N4BP2: variants seen among roughly 807,000 people sequenced by gnomAD.
The protein encoded by N4BP2 is NEDD4 binding protein 2, also known as NEDD4-binding protein 2.
Under a neutral mutation model 152.8 loss-of-function variants are expected in N4BP2, and 91 were observed. The observed-to-expected ratio is 0.60, with a 90% CI of 0.50 to 0.71. The LOEUF (loss-of-function observed/expected upper bound fraction) is 0.71, where lower values mean the gene tolerates loss of function less well. N4BP2 is among the 30% of genes least tolerant of loss of function. The probability of loss-of-function intolerance (pLI) is 0.00; values close to 1 mark genes in which losing one functional copy is unlikely to be tolerated. For missense variants in N4BP2, 1,923 were observed against 2,059.1 expected (o/e 0.93, Z 1.28); for synonymous variants, 646 against 705.3 (o/e 0.92, Z 1.33).
intron 1 of N4BP2, among the ~76,000 whole-genome samples, chr4:40,065,542 A>T (rs1733976089): frequency 6.6e-6 from 1 of 152,184 alleles, no homozygotes; most frequent in Non-Finnish European, 1.5e-5. Flanking sequence ...AGACAGAAAA[A>T]AACCAGTAAA....
At position 40,070,831 on chromosome 4, in the gene N4BP2, C is replaced by A. The variant is rs547740437; in HGVS notation, c.-211-2624C>A. On this transcript the variant is annotated intron_variant, in intron 1 of 17. Coordinates refer to ENST00000261435, the MANE Select transcript of N4BP2 (RefSeq NM_018177.6). ...TTGCTGTGTGGTGTTTTTTTTTCTT[C>A]TTTTTTTTTTTGAGAGGAAGTCTTG... Among the ~76,000 whole-genome samples the A allele has an allele frequency of 2.8e-5, 4 of 143,892 alleles. No individual in the cohort carries two copies. The East Asian group carries it at 8.1e-4, about 29-fold the overall frequency. The allele number at this position is 143,892 out of a possible 152,430, so 94.4% of individuals were successfully genotyped here.
chr4:40,105,325 A>ATT (rs34758221), intron 4 of N4BP2, among the ~76,000 whole-genome samples: 7 of 136,900 alleles, frequency 5.1e-5, no homozygotes, highest in African/African-American at 5.4e-5. Flanking sequence ...TGTAGTTACA[A>ATT]TTTTTTTTTT....
chr4:40,088,591 C>T (rs1412279827), intron 2 of N4BP2, among the ~76,000 whole-genome samples: 1 of 151,802 alleles, frequency 6.6e-6, no homozygotes, highest in Non-Finnish European at 1.5e-5. Flanking sequence ...GCCTCCGCCT[C>T]CCGGGTTCAA....
chr4:40,070,656 G>A (rs894866222), intron 1 of N4BP2, among the ~76,000 whole-genome samples: 1 of 151,876 alleles, frequency 6.6e-6, no homozygotes, highest in Non-Finnish European at 1.5e-5. Flanking sequence ...TTGCCATGTT[G>A]CCCAGGCTGG....
the N4BP2 span, chr4:40,166,681 C>T: frequency 1.3e-5 from 2 of 151,468 alleles, no homozygotes; most frequent in Non-Finnish European, 2.9e-5. Flanking sequence ...AACAGTGAAA[C>T]TCCATCTAAA....
chr4:40,109,629 A>G (rs928301764), intron 5 of N4BP2, among the ~76,000 whole-genome samples: 5 of 152,076 alleles, frequency 3.3e-5, no homozygotes, highest in Admixed American at 6.6e-5. Context: ...GAGGCAGGAG[A>G]ATTGCTTGAA....
the N4BP2 span, among the ~76,000 whole-genome samples, chr4:40,188,915 C>T: frequency 4.0e-5 from 6 of 151,872 alleles, no homozygotes; most frequent in African/African-American, 9.7e-5. Context: ...GAGGCCGAGG[C>T]GGGTGGATCA....
At chr4:40,176,923 C>T in the N4BP2 span, among the ~76,000 whole-genome samples, 2 of 152,198 alleles carry the variant, frequency 1.3e-5, no homozygotes, top group Non-Finnish European at 2.9e-5. Flanking sequence ...CTGTTTTCCC[C>T]CGCTTTTTTC....
chr4:40,123,780 T>A (rs1718148130), intron 10 of N4BP2, among the ~76,000 whole-genome samples: 1 of 152,058 alleles, frequency 6.6e-6, no homozygotes, highest in Middle Eastern at 3.2e-3. Flanking sequence ...CCACTGTGCC[T>A]GACCTGTTTT....
At position 40,113,371 on chromosome 4, in the gene N4BP2, CAA is replaced by C. The variant is rs1296184498; in HGVS notation, c.1588-60_1588-59del. 9 of 1,257,014 alleles carry C rather than the reference CAA, an allele frequency of 7.2e-6. No individual in the cohort carries two copies. In the African/African-American group the frequency reaches 9.0e-5, roughly 13 times the overall value. 77.9% of individuals were successfully genotyped at this position (1,257,014 alleles called of 1,614,324 possible). A position where few individuals can be genotyped will look rare whatever the true frequency, so the allele number is the denominator to read the frequency against. ...GTTTTACATGCTATATATTTGGAAA[CAA>C]TAATTTTAATTTCTTGGAAATACCT... On this transcript the variant is annotated intron_variant, in intron 6 of 17. Coordinates refer to ENST00000261435, the MANE Select transcript of N4BP2 (RefSeq NM_018177.6).
rs1284431698 is a variant in N4BP2, at chr4:40,121,429, C to G, written c.3318C>G (p.Ala1106=). 1 of 1,611,988 alleles carries G rather than the reference C, an allele frequency of 6.2e-7. No homozygotes were observed. Among genetic ancestry groups the G allele is most frequent in the East Asian group, 2.2e-5 (1 of 44,852 alleles). The part of the protein sequence containing the change: ...CKLFGSFSLE[A]LKDLYERCNK... ...TGTTTGGATCCTTTTCATTAGAAGC[C>G]CTGAAAGACTTATATGAGAGGTGCA... The change falls in exon 9 of 18, where the codon GCC becomes GCG. Residue 1106 remains alanine, a synonymous_variant. Coordinates refer to ENST00000261435, the MANE Select transcript of N4BP2 (RefSeq NM_018177.6).
the N4BP2 span, among the ~76,000 whole-genome samples, chr4:40,169,108 C>T: frequency 6.6e-6 from 1 of 151,082 alleles, no homozygotes; most frequent in African/African-American, 2.4e-5. Context: ...AAGGGCCGGG[C>T]GTGGTGGTTC....
At chr4:40,141,200 C>T (rs1379172115) in intron 14 of N4BP2, among the ~76,000 whole-genome samples, 7 of 146,346 alleles carry the variant, frequency 4.8e-5, no homozygotes, top group Non-Finnish European at 9.0e-5. Context: ...CCGGAGGGGG[C>T]GGCTGGCCTG....
intron 2 of N4BP2, among the ~76,000 whole-genome samples, chr4:40,087,213 T>C (rs1250754201): frequency 6.6e-6 from 1 of 152,038 alleles, no homozygotes; most frequent in Non-Finnish European, 1.5e-5. Context: ...CCTTCCTCCT[T>C]GCCCCTTTCT....
chr4:40,091,730 C>G (rs1400021369), intron 2 of N4BP2, among the ~76,000 whole-genome samples: 1 of 148,442 alleles, frequency 6.7e-6, no homozygotes, highest in Non-Finnish European at 1.5e-5. Flanking sequence ...CTCACCCTGC[C>G]CACCAGTACC....
rs1579081967 is a variant in N4BP2 at position 40,123,187 on chromosome 4, A to T, written c.4259A>T (p.His1420Leu). 1.2e-6 allele frequency: 2 copies of T among 1,612,114 alleles called. No individual in the cohort carries two copies. Among genetic ancestry groups the T allele is most frequent in the Non-Finnish European group, 1.7e-6 (2 of 1,178,432 alleles). Residue 1420 changes from histidine to leucine, a missense_variant, in exon 10 of 18, where the codon CAT (histidine) becomes CTT (leucine). Physicochemically the swap from His to Leu is moderately conservative, Grantham distance 99. Transcript: ENST00000261435. ...HIDLNLAKVI[H>L]EKWKESVMER... ...GATCTGAATCTGGCGAAAGTGATTC[A>T]TGAGAAATGGAAAGAATCTGTAATG... is the stretch of plus-strand genomic sequence containing the variant.
downstream of N4BP2, among the ~76,000 whole-genome samples, chr4:40,162,715 G>A (rs147606684): frequency 5.9e-5 from 9 of 152,300 alleles, no homozygotes; most frequent in African/African-American, 2.2e-4. Flanking sequence ...GCTTATTGGT[G>A]TATGTATTAG....
At chr4:40,106,175 TAA>T (rs1716262199) in intron 4 of N4BP2, among the ~76,000 whole-genome samples, 1 of 152,204 alleles carries the variant, frequency 6.6e-6, no homozygotes, top group African/African-American at 2.4e-5. Flanking sequence ...TTTGTAACAT[TAA>T]AAACAAGTTT....
Position 40,122,008 on chromosome 4 carries a change from A to C in N4BP2, c.3897A>C (p.Leu1299Phe). The C allele has an allele frequency of 6.5e-7, 1 of 1,541,844 alleles. No homozygotes were observed. The highest frequency in any genetic ancestry group is 1.4e-5 in the African/African-American group (1 of 72,114). ...TATCTAGTACTTCAAATCTTGAATT[A>C]AATGAAGAAATTTATTTTACTGATT... ...NFVSSTSNLELNEEIYFTDSL... is the reference protein window; with the variant it reads ...NFVSSTSNLEFNEEIYFTDSL... Residue 1299 changes from leucine (L) to phenylalanine (F), a missense_variant, in exon 9 of 18, where the codon TTA (leucine) becomes TTC (phenylalanine). Coordinates refer to ENST00000261435, the MANE Select transcript of N4BP2 (RefSeq NM_018177.6).
Sources: gnomAD v4.1 joint callset for allele counts (sites outside exome capture counted in the v4.1 genomes callset) on GRCh38, gnomAD v4.1.1 for gene constraint, MANE v1.5 for transcripts, NCBI Gene and HGNC (gene_info 2026-07-23, HGNC 2026-07-21) for gene names.